Variants in DPYD observed in about 807,000 individuals in gnomAD.
The protein encoded by DPYD is dihydropyrimidine dehydrogenase [NADP(+)].
A neutral mutation model predicts 116.2 loss-of-function variants in DPYD; 109 were observed. The ratio of observed to expected loss-of-function variants is 0.94; its 90% CI spans 0.80 to 1.10. The LOEUF (loss-of-function observed/expected upper bound fraction) is 1.10. Among genes scored for constraint, DPYD ranks in the 50% least tolerant of loss-of-function variants. The pLI, the probability that DPYD is intolerant of heterozygous loss-of-function variation, is 0.00. For missense variants in DPYD, 1,302 were observed against 1,254.5 expected (o/e 1.04, Z -0.57); for synonymous variants, 440 against 432.0 (o/e 1.02, Z -0.23).
At chr1:97,337,134 A>G (rs1371330533) in intron 16 of DPYD, among the ~76,000 whole-genome samples, 1 of 152,190 alleles carries the variant, frequency 6.6e-6, no homozygotes, top group Non-Finnish European at 1.5e-5. Flanking sequence ...GGGTGGCAGA[A>G]TCAAAGCAAT....
chr1:97,890,825 T>C (rs1461234867), intron 1 of DPYD, among the ~76,000 whole-genome samples: 2 of 152,016 alleles, frequency 1.3e-5, no homozygotes, highest in Non-Finnish European at 2.9e-5. Context: ...ATCATGTTTA[T>C]CTATGTCAGC....
chr1:97,517,388 A>G (rs769388670), intron 12 of DPYD, among the ~76,000 whole-genome samples: 1 of 152,138 alleles, frequency 6.6e-6, no homozygotes, highest in Non-Finnish European at 1.5e-5. Context: ...GTGTGTATGT[A>G]TATCTGTCCA....
At chr1:97,376,636 A>G (rs1671631924) in intron 15 of DPYD, among the ~76,000 whole-genome samples, 1 of 152,160 alleles carries the variant, frequency 6.6e-6, no homozygotes, top group Non-Finnish European at 1.5e-5. Context: ...AAAAGCCTTA[A>G]TTGCTGAATT....
chr1:97,105,061 A>C (rs945244884), intron 20 of DPYD, among the ~76,000 whole-genome samples: 5 of 152,118 alleles, frequency 3.3e-5, no homozygotes, highest in Admixed American at 2.0e-4. Context: ...AGATAAGAAC[A>C]TTATTATTTT....
At chr1:97,282,222 C>T (rs640711) in intron 18 of DPYD, among the ~76,000 whole-genome samples, 61,597 of 151,878 alleles carry the variant, frequency 0.41, 12,721 homozygotes, top group African/African-American at 0.45. Flanking sequence ...AGTCATAGAC[C>T]TTGATTCTGA....
chr1:97,921,052 G>A (rs1674498001), upstream of DPYD: 1 of 1,173,234 alleles, frequency 8.5e-7, no homozygotes, highest in East Asian at 3.0e-5. Flanking sequence ...GCGGCGCGGG[G>A]GCGGAGCGGG....
intron 20 of DPYD, among the ~76,000 whole-genome samples, chr1:97,141,201 G>T (rs1253843627): frequency 6.6e-6 from 1 of 152,128 alleles, no homozygotes; most frequent in Non-Finnish European, 1.5e-5. Flanking sequence ...ATAAGTGTAT[G>T]CCAGACCGAA....
At chr1:97,856,823 C>T (rs4379706) in intron 2 of DPYD, 109,853 of 152,112 alleles carry the variant, frequency 0.72, 40,298 homozygotes, top group East Asian at 0.93. Flanking sequence ...CCTCCATAAG[C>T]GCAAAACTGA....
chr1:97,274,060 T>A lies in DPYD; in HGVS notation c.2299+31199A>T, dbSNP rs143262512. The stretch of plus-strand genomic sequence containing the variant: ...ATGCCTATTGTGCTAAATAGGAGAT[T>A]TTATACAACATAAAGTTAAGGCAAT... On this transcript the variant is annotated intron_variant, in intron 18 of 22. Coordinates refer to ENST00000370192, the MANE Select transcript of DPYD (RefSeq NM_000110.4). Among the ~76,000 whole-genome samples, 158 of 152,286 alleles carry A rather than the reference T, an allele frequency of 1.0e-3. 2 individuals carry two copies. Among genetic ancestry groups the A allele is most frequent in the Middle Eastern group, 6.8e-3 (2 of 294 alleles).
chr1:97,480,061 T>G (rs1263037143), intron 13 of DPYD, among the ~76,000 whole-genome samples: 11 of 152,200 alleles, frequency 7.2e-5, no homozygotes, highest in Admixed American at 7.2e-4. Context: ...AAAAATATAT[T>G]TCTCAGTAGC....
intron 3 of DPYD, among the ~76,000 whole-genome samples, chr1:97,788,356 G>A (rs1171265131): frequency 6.6e-6 from 1 of 152,128 alleles, no homozygotes; most frequent in Non-Finnish European, 1.5e-5. Flanking sequence ...TAAGATATTA[G>A]TTTAGCCTAC....
intron 11 of DPYD, among the ~76,000 whole-genome samples, chr1:97,572,959 G>C (rs74939731): frequency 6.6e-6 from 1 of 152,070 alleles, no homozygotes; most frequent in East Asian, 1.9e-4. Flanking sequence ...GAGATTTTTG[G>C]TATGGTTGTT....
At chr1:97,473,483 T>A (rs1019991134) in intron 13 of DPYD, among the ~76,000 whole-genome samples, 2 of 152,136 alleles carry the variant, frequency 1.3e-5, no homozygotes, top group African/African-American at 4.8e-5. Context: ...ATGACTCGAA[T>A]AGAGATTCTT....
chr1:97,912,355 G>A (rs1245930581), intron 1 of DPYD, among the ~76,000 whole-genome samples: 2 of 152,084 alleles, frequency 1.3e-5, no homozygotes, highest in African/African-American at 2.4e-5. Context: ...GATAATAAGA[G>A]AGAGGCTTGA....
At chr1:97,382,050 GT>G (rs1313551016) in intron 15 of DPYD, among the ~76,000 whole-genome samples, 28 of 152,220 alleles carry the variant, frequency 1.8e-4, no homozygotes, top group African/African-American at 6.7e-4. Flanking sequence ...GTAAGATCAA[GT>G]TAGACTCTCA....
At chr1:97,436,822 G>C (rs1033924514) in intron 14 of DPYD, among the ~76,000 whole-genome samples, 47 of 151,864 alleles carry the variant, frequency 3.1e-4, no homozygotes, top group African/African-American at 1.1e-3. Context: ...CAAAATGCTA[G>C]AGGGTGTTAA....
At chr1:97,164,403 C>T (rs1656156347) in intron 20 of DPYD, among the ~76,000 whole-genome samples, 1 of 152,144 alleles carries the variant, frequency 6.6e-6, no homozygotes, top group South Asian at 2.1e-4. Flanking sequence ...TCCTATTCAA[C>T]ATGGTACTGG....
intron 1 of DPYD, among the ~76,000 whole-genome samples, chr1:97,886,134 A>G (rs1202636315): frequency 6.6e-6 from 1 of 152,114 alleles, no homozygotes; most frequent in African/African-American, 2.4e-5. Flanking sequence ...TGGTAAAAGG[A>G]GTGAAGGTCT....
At chr1:97,177,661 G>A (rs981604487) in intron 20 of DPYD, among the ~76,000 whole-genome samples, 5 of 151,110 alleles carry the variant, frequency 3.3e-5, no homozygotes, top group Non-Finnish European at 7.4e-5. Flanking sequence ...TATTGTCCAA[G>A]GCTTACTGCT....
Sources: allele counts gnomAD v4.1 joint callset (sites outside exome capture counted in the v4.1 genomes callset), GRCh38; gene constraint gnomAD v4.1.1; transcripts MANE v1.5; gene names NCBI Gene and HGNC (gene_info 2026-07-23, HGNC 2026-07-21).